The following RAD51B variants were observed in gnomAD, a reference collection of about 807,000 sequenced individuals.
RAD51B encodes DNA repair protein RAD51 homolog 2.
Under a neutral mutation model 42.2 loss-of-function variants are expected in RAD51B, and 38 were observed. The observed-to-expected ratio is 0.90, with a 90% confidence interval of 0.70 to 1.18. The LOEUF is 1.18. Ranked by LOEUF, RAD51B falls within the 50% of genes most tolerant of loss-of-function variation. The pLI, the probability that RAD51B is intolerant of heterozygous loss-of-function variation, is 0.00. For missense variants in RAD51B, 373 were observed against 400.7 expected (o/e 0.93, Z 0.59); for synonymous variants, 154 against 145.2 (o/e 1.06, Z -0.43).
At chr14:68,504,921 C>A (rs1885198650) in intron 10 of RAD51B, among the ~76,000 whole-genome samples, 1 of 152,088 alleles carries the variant, frequency 6.6e-6, no homozygotes, top group Non-Finnish European at 1.5e-5. Flanking sequence ...TGCAGACCTG[C>A]AAGAGGCCAG....
At chr14:68,674,674 C>G (rs1893267026) in intron 11 of RAD51B, among the ~76,000 whole-genome samples, 1 of 152,044 alleles carries the variant, frequency 6.6e-6, no homozygotes, top group Non-Finnish European at 1.5e-5. Flanking sequence ...TTGTTGTATG[C>G]CCCCCTCACT....
At chr14:68,450,300 C>T (rs183573647) in intron 9 of RAD51B, among the ~76,000 whole-genome samples, 11 of 148,424 alleles carry the variant, frequency 7.4e-5, no homozygotes, top group Non-Finnish European at 1.3e-4. Context: ...CTCACTGCAA[C>T]GTCCACCTCC....
chr14:68,014,881 A>G (rs2075750397), intron 7 of RAD51B, among the ~76,000 whole-genome samples: 1 of 149,378 alleles, frequency 6.7e-6, no homozygotes, highest in African/African-American at 2.5e-5. Context: ...ATGTGGATTC[A>G]TTGCTATCTT....
chr14:68,259,943 A>C (rs896053986), intron 7 of RAD51B, among the ~76,000 whole-genome samples: 4 of 152,194 alleles, frequency 2.6e-5, no homozygotes, highest in Non-Finnish European at 4.4e-5. Flanking sequence ...AAAAAGACAG[A>C]GGTCCTGTCC....
At chr14:67,866,910 G>A (rs1190900874) in intron 5 of RAD51B, among the ~76,000 whole-genome samples, 4 of 152,142 alleles carry the variant, frequency 2.6e-5, no homozygotes, top group African/African-American at 9.7e-5. Context: ...TCCTTTGTTG[G>A]AATTACGTTG....
intron 9 of RAD51B, among the ~76,000 whole-genome samples, chr14:68,418,123 A>G (rs932051830): frequency 1.3e-5 from 2 of 152,254 alleles, no homozygotes; most frequent in Admixed American, 1.3e-4. Flanking sequence ...GTATACCACC[A>G]TGATGTTTTA....
intron 7 of RAD51B, among the ~76,000 whole-genome samples, chr14:68,225,817 A>G (rs1408900430): frequency 4.6e-5 from 7 of 152,228 alleles, no homozygotes; most frequent in African/African-American, 1.7e-4. Context: ...TGAGGACAAC[A>G]CAAGAGGCTT....
intron 7 of RAD51B, among the ~76,000 whole-genome samples, chr14:68,192,675 G>A: frequency 6.6e-6 from 1 of 152,126 alleles, no homozygotes; most frequent in East Asian, 1.9e-4. Flanking sequence ...AGCTCTTTGT[G>A]CAGCCCTTTT....
chr14:68,411,838 G>T (rs1307687523), intron 9 of RAD51B, among the ~76,000 whole-genome samples: 1 of 152,148 alleles, frequency 6.6e-6, no homozygotes, highest in Non-Finnish European at 1.5e-5. Context: ...ATTTCACTTA[G>T]ATTGTATTTG....
chr14:67,968,483 G>A (rs2074831788), intron 7 of RAD51B, among the ~76,000 whole-genome samples: 1 of 152,156 alleles, frequency 6.6e-6, no homozygotes, highest in Non-Finnish European at 1.5e-5. Flanking sequence ...CCTTTTGAAT[G>A]CTTTGCTGCT....
intron 8 of RAD51B, among the ~76,000 whole-genome samples, chr14:68,313,103 C>T (rs1015843219): frequency 6.6e-6 from 1 of 152,122 alleles, no homozygotes; most frequent in African/African-American, 2.4e-5. Context: ...GCTTCTTATG[C>T]AAAACATTAT....
At chr14:68,154,290 T>G (rs1405559736) in intron 7 of RAD51B, among the ~76,000 whole-genome samples, 6 of 152,244 alleles carry the variant, frequency 3.9e-5, no homozygotes, top group African/African-American at 1.4e-4. Flanking sequence ...CAGAACTATT[T>G]AATTTAAAGC....
At chr14:68,090,314 C>G (rs1380885273) in intron 7 of RAD51B, among the ~76,000 whole-genome samples, 2 of 152,148 alleles carry the variant, frequency 1.3e-5, no homozygotes, top group African/African-American at 4.8e-5. Flanking sequence ...ATTGAATGAC[C>G]AGCATAACTT....
At chr14:68,031,798 T>A (rs565622943) in intron 7 of RAD51B, among the ~76,000 whole-genome samples, 1 of 152,358 alleles carries the variant, frequency 6.6e-6, no homozygotes, top group South Asian at 2.1e-4. Flanking sequence ...ATGGTAAGAA[T>A]AGAAATCTGA....
At chr14:68,635,052 A>G (rs1196186431) in intron 10 of RAD51B, among the ~76,000 whole-genome samples, 1 of 152,160 alleles carries the variant, frequency 6.6e-6, no homozygotes, top group Non-Finnish European at 1.5e-5. Flanking sequence ...TGGTTTCCTT[A>G]TCTTCCTTAT....
At chr14:68,272,598 A>G (rs2139590518) in intron 7 of RAD51B, among the ~76,000 whole-genome samples, 1 of 124,770 alleles carries the variant, frequency 8.0e-6, no homozygotes, top group African/African-American at 3.1e-5. Context: ...AAAAAATTGA[A>G]ATGTTCTATT....
chr14:67,889,315 G>A (rs1436864152), intron 7 of RAD51B, among the ~76,000 whole-genome samples: 3 of 145,346 alleles, frequency 2.1e-5, no homozygotes, highest in African/African-American at 5.3e-5. Flanking sequence ...ACACAGGTCC[G>A]AGATTTAATT....
At position 68,334,275 on chromosome 14, in the gene RAD51B, C is replaced by T. The variant is rs563538951; in HGVS notation, c.853+42295C>T. On this transcript the variant is annotated intron_variant, in intron 8 of 10. Transcript: ENST00000471583. ...TTACTGATAACATAAACAGTCAACA[C>T]ATACTTTGTATATTATATATAATAT... Among the ~76,000 whole-genome samples, 178 of 152,184 alleles carry T rather than the reference C, an allele frequency of 1.2e-3. 2 individuals carry two copies. Among genetic ancestry groups the T allele is most frequent in the South Asian group, 6.0e-3 (29 of 4,826 alleles).
At chr14:67,995,106 G>A (rs188431001) in intron 7 of RAD51B, among the ~76,000 whole-genome samples, 81 of 152,182 alleles carry the variant, frequency 5.3e-4, no homozygotes, top group Admixed American at 3.1e-3. Context: ...AGACACACTC[G>A]GCCGGGCATG....
Sources: gnomAD v4.1 joint callset for allele counts (sites outside exome capture counted in the v4.1 genomes callset) on GRCh38, gnomAD v4.1.1 for gene constraint, MANE v1.5 for transcripts, NCBI Gene and HGNC (gene_info 2026-07-23, HGNC 2026-07-21) for gene names.